ATP2B3: variants seen among roughly 807,000 people sequenced by gnomAD.
ATP2B3 encodes the protein ATPase plasma membrane Ca2+ transporting 3.
In ATP2B3, 12 loss-of-function variants were observed where a neutral mutation model predicts 70.8. That is an observed-to-expected ratio of 0.17 (90% CI 0.11 to 0.27). The LOEUF (loss-of-function observed/expected upper bound fraction) is 0.27, where lower values mean the gene tolerates loss of function less well. Among genes scored for constraint, ATP2B3 ranks in the 10% least tolerant of loss-of-function variants. ATP2B3 has a pLI of 1.00. For synonymous variants in ATP2B3, 460 were observed against 497.8 expected (o/e 0.92, Z 1.01); for missense variants, 858 against 1,118.5 (o/e 0.77, Z 3.32).
rs1557013632 is a variant in ATP2B3 at position 153,556,386 on chromosome X, C to G, written c.2294C>G (p.Ser765Trp). The change falls in exon 15 of 22, where the codon TCG becomes TGG. Residue 765 changes from serine (S) to tryptophan (W), a missense_variant. By Grantham distance (177) the Ser-to-Trp change is radical (BLOSUM62 -3). Coordinates refer to ENST00000263519, the MANE Select transcript of ATP2B3 (RefSeq NM_001001344.3). Reference sequence around the variant, plus strand: ...CCCAAGCTGAGGGTGCTGGCCCGGTCGTCTCCCACCGACAAGCACACACTG... The same window carrying G: ...CCCAAGCTGAGGGTGCTGGCCCGGTGGTCTCCCACCGACAAGCACACACTG... The part of the protein sequence containing the change: ...VWPKLRVLAR[S>W]SPTDKHTLVK... The G allele has an allele frequency of 8.3e-7, 1 of 1,205,867 alleles. No homozygotes were observed. The highest frequency in any genetic ancestry group is 1.8e-5 in the South Asian group (1 of 55,485).
chrX:153,547,998 A>G lies in ATP2B3; in HGVS notation c.1122A>G (p.Ala374=). Residue 374 remains alanine (A), a splice_region_variant and synonymous_variant, in exon 9 of 22, where the codon GCA becomes GCG. Coordinates refer to ENST00000263519, the MANE Select transcript of ATP2B3 (RefSeq NM_001001344.3). ...AGCTAGCCGTGCAGATCGGGAAAGC[A>G]GGTAGGGACAGCAGGAGGTGGTGGG... ...LTKLAVQIGK[A]GLVMSAITVI... The G allele has an allele frequency of 8.3e-7, 1 of 1,198,263 alleles. No individual in the cohort carries two copies. The highest frequency in any genetic ancestry group is 1.1e-6 in the Non-Finnish European group (1 of 887,935).
intron 2 of ATP2B3, among the ~76,000 whole-genome samples, chrX:153,533,395 C>T (rs1453140742): frequency 9.0e-6 from 1 of 111,677 alleles, no homozygotes; most frequent in Non-Finnish European, 1.9e-5. Flanking sequence ...GGAGCTGGAA[C>T]AGAGGGCGTG....
chrX:153,560,570 C>T, intron 18 of ATP2B3, 106 bp from the exon 19 acceptor site: 2 of 929,612 alleles, frequency 2.2e-6, no homozygotes, highest in Non-Finnish European at 3.0e-6. Flanking sequence ...TGGCCATCCC[C>T]TGGGACAAGG....
chrX:153,539,389 T>C (rs2090245024), intron 3 of ATP2B3, among the ~76,000 whole-genome samples: 1 of 112,697 alleles, frequency 8.9e-6, no homozygotes. Context: ...GAGGACGCCA[T>C]GTGGCCGTCG....
intron 19 of ATP2B3, 103 bp downstream of exon 19, chrX:153,560,990 C>T (rs781851075): frequency 5.2e-5 from 51 of 982,391 alleles, no homozygotes; most frequent in Non-Finnish European, 6.8e-5. Context: ...TCCCCACCTC[C>T]ACTCCCAGAA....
At chrX:153,534,947 G>T (rs975297035) in intron 2 of ATP2B3, among the ~76,000 whole-genome samples, 2 of 112,821 alleles carry the variant, frequency 1.8e-5, no homozygotes, top group African/African-American at 3.2e-5. Flanking sequence ...CGTTTCCAAC[G>T]GATGCTTCTG....
chrX:153,547,975 C>G lies in ATP2B3; in HGVS notation c.1099C>G (p.Leu367Val). The change falls in exon 9 of 22, where the codon CTA becomes GTA. Residue 367 changes from leucine to valine, a missense_variant. Leu to Val is a conservative substitution (Grantham distance 32). This residue lies in a region of ATP2B3 where 278 missense variants were observed against 366.2 expected (regional missense o/e 0.76). Transcript: ENST00000263519. ...KSVLQGKLTK[L>V]AVQIGKAGLV... ...TGTCCTTCAGGGGAAGCTCACAAAGCTAGCCGTGCAGATCGGGAAAGCAGG... is the reference window on the plus strand; with the variant it reads ...TGTCCTTCAGGGGAAGCTCACAAAGGTAGCCGTGCAGATCGGGAAAGCAGG... 1 of 1,207,643 alleles carries G rather than the reference C, an allele frequency of 8.3e-7. No individual in the cohort carries two copies. The highest frequency in any genetic ancestry group is 1.1e-6 in the Non-Finnish European group (1 of 893,079).
In ATP2B3 at chrX:153,549,736, A is replaced by G; in HGVS notation, c.1578A>G (p.Ile526Met). 1 of 1,208,173 alleles carries G rather than the reference A, an allele frequency of 8.3e-7. No homozygotes were observed. Among genetic ancestry groups the G allele is most frequent in the Non-Finnish European group, 1.1e-6 (1 of 893,262 alleles). ...TCAACAGTGCCTATACCACCAAAATACTAGTGAGCTGGGGCAGGAGCGGGC... is the reference window on the plus strand; with the variant it reads ...TCAACAGTGCCTATACCACCAAAATGCTAGTGAGCTGGGGCAGGAGCGGGC... ...ISINSAYTTK[I>M]LPPEKEGALP... is the part of the protein sequence containing the mutation. The change falls in exon 11 of 22, where the codon ATA (isoleucine) becomes ATG (methionine). Residue 526 changes from isoleucine (I) to methionine (M), a missense_variant. By Grantham distance (10) the Ile-to-Met change is conservative. Coordinates refer to ENST00000263519, the MANE Select transcript of ATP2B3 (RefSeq NM_001001344.3).
At chrX:153,532,760 G>A (rs964619927) in intron 2 of ATP2B3, among the ~76,000 whole-genome samples, 5 of 112,046 alleles carry the variant, frequency 4.5e-5, no homozygotes, top group Non-Finnish European at 7.5e-5. Context: ...GACCATTCTC[G>A]GCAGCCAGCC....
At position 153,580,088 on chromosome X, in the gene ATP2B3, C is replaced by T; in HGVS notation, c.3453C>T (p.Asp1151=). 2.5e-6 allele frequency: 3 copies of T among 1,212,244 alleles called. No individual in the cohort carries two copies. Among genetic ancestry groups the T allele is most frequent in the Non-Finnish European group, 3.3e-6 (3 of 895,588 alleles). Residue 1151 remains aspartate, a synonymous_variant, in exon 22 of 22, where the codon GAC becomes GAT. Transcript: ENST00000263519. ...CCACGCCCGAGTTTCTGATCAATGACTACACCCACAACATCCCGCTCATTG... is the reference window on the plus strand; with the variant it reads ...CCACGCCCGAGTTTCTGATCAATGATTACACCCACAACATCCCGCTCATTG... ...FMATPEFLIN[D]YTHNIPLIDD... is the part of the protein sequence containing the mutation.
At chrX:153,563,850 A>G (rs782719908) in intron 20 of ATP2B3, among the ~76,000 whole-genome samples, 11 of 112,721 alleles carry the variant, frequency 9.8e-5, no homozygotes, top group African/African-American at 3.5e-4. Context: ...AGAAAAACGA[A>G]AAGAAGGGAA....
chrX:153,553,323 C>T, intron 13 of ATP2B3, 54 bp downstream of exon 13: 1 of 1,065,701 alleles, frequency 9.4e-7, no homozygotes, highest in Non-Finnish European at 1.3e-6. Context: ...TCTGCCCGAG[C>T]TTGTCCGGAC....
intron 12 of ATP2B3, among the ~76,000 whole-genome samples, chrX:153,550,760 C>G (rs1305320699): frequency 9.0e-6 from 1 of 111,402 alleles, no homozygotes; most frequent in Non-Finnish European, 1.9e-5. Flanking sequence ...CCACGCCCAG[C>G]GAATTTTCAA....
At position 153,580,720 on chromosome X, in the gene ATP2B3, T is replaced by C. The variant is rs1442852323; in HGVS notation, c.*422T>C. On this transcript the variant is annotated 3_prime_UTR_variant, in exon 22 of 22. Coordinates refer to ENST00000263519, the MANE Select transcript of ATP2B3 (RefSeq NM_001001344.3). ...GCTGTGTGGTGGGCAGGGGGCTGGT[T>C]TGGGTTTATGGGGAGCTTTTGTTGC... is the stretch of plus-strand genomic sequence containing the variant. The C allele has an allele frequency of 8.0e-6, 1 of 125,656 alleles. No individual in the cohort carries two copies. The highest frequency in any genetic ancestry group is 3.2e-5 in the African/African-American group (1 of 30,945). 10.4% of individuals were successfully genotyped at this position (125,656 alleles called of 1,213,427 possible). A position where few individuals can be genotyped will look rare whatever the true frequency, so the allele number is the denominator to read the frequency against.
In ATP2B3 at chrX:153,553,170, C is replaced by T. The variant is rs1557012288; in HGVS notation, c.1959C>T (p.Phe653=). ...CCATCTGCATCGCCTACCGGGACTT[C>T]TCTGCAGGCCAGGAGCCCGACTGGG... ...LRTICIAYRD[F]SAGQEPDWDN... Residue 653 remains phenylalanine, a synonymous_variant, in exon 13 of 22, where the codon TTC becomes TTT. Coordinates refer to ENST00000263519, the MANE Select transcript of ATP2B3 (RefSeq NM_001001344.3). The T allele has an allele frequency of 1.7e-6, 2 of 1,210,238 alleles. No homozygotes were observed. The highest frequency in any genetic ancestry group is 3.5e-5 in the African/African-American group (2 of 57,263).
At chrX:153,546,241 G>A in intron 8 of ATP2B3, 112 bp downstream of exon 8, 2 of 946,753 alleles carry the variant, frequency 2.1e-6, no homozygotes, top group Non-Finnish European at 3.0e-6. Flanking sequence ...AGCAACACTT[G>A]GAGACCAGGT....
Position 153,532,754 on chromosome X carries a change from A to G in ATP2B3, c.-126-3368A>G, listed in dbSNP as rs782624135. On this transcript the variant is annotated intron_variant, in intron 2 of 21. Transcript: ENST00000263519. ...CCTGCCCTTTTGGTGCCTACAGACCATTCTCGGCAGCCAGCCCAGGCCGGA... is the reference window on the plus strand; with the variant it reads ...CCTGCCCTTTTGGTGCCTACAGACCGTTCTCGGCAGCCAGCCCAGGCCGGA... Among the ~76,000 whole-genome samples the G allele has an allele frequency of 4.5e-5, 5 of 112,209 alleles. No homozygotes were observed. In the South Asian group the frequency reaches 1.9e-3, roughly 42 times the overall value.
chrX:153,559,671 C>T lies in ATP2B3; in HGVS notation c.2626-58C>T, dbSNP rs782399112. The T allele has an allele frequency of 3.4e-4, 375 of 1,113,946 alleles. No homozygotes were observed. In the South Asian group the frequency reaches 6.6e-3, roughly 20 times the overall value. 91.8% of individuals were successfully genotyped at this position (1,113,946 alleles called of 1,213,427 possible). On this transcript the variant is annotated intron_variant, in intron 17 of 21. Transcript: ENST00000263519. ...GAGCCCCCAGGAGCTACTGGGTTTC[C>T]ACCCCCAACCTTCCCGGGCAGGCGG...
At chrX:153,531,854 A>T (rs782035862) in intron 2 of ATP2B3, among the ~76,000 whole-genome samples, 11 of 112,383 alleles carry the variant, frequency 9.8e-5, no homozygotes, top group African/African-American at 3.6e-4. Context: ...AGGAAAGAGA[A>T]TGGCGTGAAT....
Sources: gnomAD v4.1 joint callset for allele counts (sites outside exome capture counted in the v4.1 genomes callset) on GRCh38, gnomAD v4.1.1 for gene constraint, gnomAD v4.1.1 regional missense constraint, MANE v1.5 for transcripts, NCBI Gene and HGNC (gene_info 2026-07-23, HGNC 2026-07-21) for gene names.